IL12RB1: variants seen among roughly 807,000 people sequenced by gnomAD.
IL12RB1 encodes the protein interleukin 12 receptor subunit beta 1.
In IL12RB1, 64 loss-of-function variants were observed where a neutral mutation model predicts 94.4. The observed-to-expected ratio is 0.68, with a 90% CI of 0.55 to 0.83. The LOEUF (loss-of-function observed/expected upper bound fraction) is 0.83, where lower values mean the gene tolerates loss of function less well. Ranked by LOEUF, IL12RB1 falls within the 40% of genes least tolerant of loss-of-function variation. IL12RB1 has a pLI of 0.00. For synonymous variants in IL12RB1, 362 were observed against 355.5 expected, an observed-to-expected ratio of 1.02 and a Z score of -0.21; for missense variants, 814 against 855.6, an observed-to-expected ratio of 0.95 and a Z score of 0.61.
At chr19:18,062,145 A>T in intron 14 of IL12RB1, 36 bp downstream of exon 14, 1 of 1,377,638 alleles carries the variant, frequency 7.3e-7, no homozygotes, top group Non-Finnish European at 1.0e-6. Context: ...CAGCATCATT[A>T]CCATCGCTAT....
chr19:18,081,663 A>G (rs1179180947), intron 3 of IL12RB1, among the ~76,000 whole-genome samples: 1 of 151,856 alleles, frequency 6.6e-6, no homozygotes, highest in Admixed American at 6.6e-5. Flanking sequence ...TCTACTAAAA[A>G]TACAAAAATT....
At chr19:18,079,929 T>C (rs73527206) in intron 4 of IL12RB1, among the ~76,000 whole-genome samples, 142 of 152,268 alleles carry the variant, frequency 9.3e-4, no homozygotes, top group African/African-American at 3.2e-3. Flanking sequence ...AGATTATACA[T>C]GTAAGTGAGA....
intron 10 of IL12RB1, among the ~76,000 whole-genome samples, chr19:18,069,234 A>G (rs896010484): frequency 1.3e-5 from 2 of 152,190 alleles, no homozygotes; most frequent in African/African-American, 4.8e-5. Context: ...TGCCACCAGC[A>G]TCTCGCGAAC....
At chr19:18,068,305 C>A (rs845379) in intron 11 of IL12RB1, 84 bp downstream of exon 11, 4 of 1,137,834 alleles carry the variant, frequency 3.5e-6, no homozygotes, top group South Asian at 3.2e-5. Flanking sequence ...GGATTACATG[C>A]GTGAGTCACT....
rs980653981 is a variant in IL12RB1 at position 18,063,941 on chromosome 19, A to G, written c.1553T>C (p.Val518Ala). ...SGLRAGVAYT[V>A]QVRADTAWLR... ...CCACGCTGTGTCTGCTCGCACCTGC[A>G]CCGTGTAGGCTACACCAGCCCGCAG... is the stretch of plus-strand genomic sequence containing the variant. Residue 518 changes from valine to alanine, a missense_variant, in exon 13 of 17, where the codon GTG becomes GCG. Coordinates refer to ENST00000593993, the MANE Select transcript of IL12RB1 (RefSeq NM_005535.3). 2.5e-6 allele frequency: 4 copies of G among 1,613,050 alleles called. No individual in the cohort carries two copies. The African/African-American group carries it at 5.3e-5, about 22-fold the overall frequency.
At chr19:18,065,710 T>C (rs2034525600) in intron 12 of IL12RB1, among the ~76,000 whole-genome samples, 1 of 151,984 alleles carries the variant, frequency 6.6e-6, no homozygotes, top group African/African-American at 2.4e-5. Context: ...TCCCAGCTAC[T>C]TGGGAGGCTG....
At chr19:18,071,382 A>T (rs1451058348) in intron 9 of IL12RB1, 1 of 985,786 alleles carries the variant, frequency 1.0e-6, no homozygotes, top group Non-Finnish European at 1.4e-6. Flanking sequence ...CACAGGGTCA[A>T]CTCTAGCCTT....
At chr19:18,078,112 A>T (rs2035617953) in intron 4 of IL12RB1, among the ~76,000 whole-genome samples, 1 of 152,158 alleles carries the variant, frequency 6.6e-6, no homozygotes, top group African/African-American at 2.4e-5. Flanking sequence ...TTGTCTCTAA[A>T]AAAACAACAA....
exon 1 of IL12RB1, chr19:18,098,756 C>T (rs773336379): frequency 2.2e-6 from 1 of 456,694 alleles, no homozygotes. Flanking sequence ...AGCACTTACC[C>T]AACGAACATT....
intron 5 of IL12RB1, among the ~76,000 whole-genome samples, chr19:18,076,907 C>T (rs555711903): frequency 1.3e-5 from 2 of 152,152 alleles, no homozygotes; most frequent in Non-Finnish European, 1.5e-5. Flanking sequence ...AAAAGACATT[C>T]CTGGAAAAAT....
At chr19:18,075,252 C>CTTTTTTTTTTTTTTTTTT (rs71164363) in intron 7 of IL12RB1, among the ~76,000 whole-genome samples, 1 of 132,970 alleles carries the variant, frequency 7.5e-6, no homozygotes, top group Non-Finnish European at 1.6e-5. Context: ...TTTATTATTA[C>CTTTTTTTTTTTTTTTTTT]TTTTTTTTTT....
rs17882973 is a variant in IL12RB1, at chr19:18,064,109, C to G, written c.1484-99G>C. The G allele has an allele frequency of 9.4e-3, 6,286 of 670,324 alleles. 49 individuals are homozygous for G. Among genetic ancestry groups the G allele is most frequent in the Middle Eastern group, 0.025 (62 of 2,452 alleles). 41.5% of individuals were successfully genotyped at this position (670,324 alleles called of 1,614,324 possible). A position where few individuals can be genotyped will look rare whatever the true frequency, so the allele number is the denominator to read the frequency against. The stretch of plus-strand genomic sequence containing the variant: ...TGTGGGTGGGGTGGGGATTCATAGG[C>G]ATTTTGCTAAAATCTCTACTCTTTC... On this transcript the variant is annotated intron_variant, in intron 12 of 16. Transcript: ENST00000593993.
intron 1 of IL12RB1, among the ~76,000 whole-genome samples, chr19:18,097,350 T>G (rs180953926): frequency 4.9e-4 from 74 of 152,084 alleles, no homozygotes; most frequent in East Asian, 3.7e-3. Context: ...AGTAATTTTT[T>G]TTTTGTTTTG....
intron 14 of IL12RB1, 51 bp from the exon 15 acceptor site, chr19:18,061,248 G>A: frequency 1.5e-6 from 1 of 683,534 alleles, no homozygotes; most frequent in Non-Finnish European, 2.4e-6. Context: ...TTTTTTTTTT[G>A]GAGACGGAGT....
At chr19:18,062,729 A>G (rs1281725925) in intron 13 of IL12RB1, among the ~76,000 whole-genome samples, 1 of 82,984 alleles carries the variant, frequency 1.2e-5, no homozygotes, top group Non-Finnish European at 4.0e-5. Context: ...CCGAGATCGC[A>G]TCATTGCATT....
In IL12RB1 at chr19:18,059,939, C is replaced by T. The variant is rs754254406; in HGVS notation, c.1938G>A (p.Leu646=). 11 of 1,594,106 alleles carry T rather than the reference C, an allele frequency of 6.9e-6. No homozygotes were observed. The highest frequency in any genetic ancestry group is 7.7e-6 in the Non-Finnish European group (9 of 1,170,116). The change falls in exon 16 of 17, where the codon CTG becomes CTA. Residue 646 remains leucine (L), a synonymous_variant. Coordinates refer to ENST00000593993, the MANE Select transcript of IL12RB1 (RefSeq NM_005535.3). The part of the protein sequence containing the change: ...ELPEGAPELA[L]DTELSLEDGD... ...CATCCTCCAAGGACAACTCTGTATC[C>T]AGGGCCAGCTCAGGGGCACCCTCAG...
upstream of IL12RB1, among the ~76,000 whole-genome samples, chr19:18,090,155 G>T (rs1213637747): frequency 3.3e-5 from 5 of 152,198 alleles, no homozygotes; most frequent in Non-Finnish European, 1.5e-5. Context: ...TAGGCTAGGA[G>T]TTCAAGAGCA....
intron 1 of IL12RB1, among the ~76,000 whole-genome samples, chr19:18,097,266 C>T (rs564810585): frequency 6.6e-6 from 1 of 152,146 alleles, no homozygotes; most frequent in Non-Finnish European, 1.5e-5. Context: ...TAACCTCCGC[C>T]TCTTGGATTC....
In IL12RB1 at chr19:18,086,757, C is replaced by T. The variant is rs753677784; in HGVS notation, c.64+3G>A. 3 of 1,608,750 alleles carry T rather than the reference C, an allele frequency of 1.9e-6. No individual in the cohort carries two copies. The highest frequency in any genetic ancestry group is 8.5e-7 in the Non-Finnish European group (1 of 1,177,836). ...GCCGCCATGCCAGGGTCAGGGGACT[C>T]ACCGCCCTGCCTGGACAGCAGGAAG... On this transcript the variant is annotated splice_donor_region_variant and intron_variant, in intron 1 of 16. Transcript: ENST00000593993.
Sources: gnomAD v4.1 joint callset for allele counts (sites outside exome capture counted in the v4.1 genomes callset) on GRCh38, gnomAD v4.1.1 for gene constraint, MANE v1.5 for transcripts, NCBI Gene and HGNC (gene_info 2026-07-23, HGNC 2026-07-21) for gene names.